Variants in ROR2 observed in about 807,000 individuals in gnomAD.
The protein encoded by ROR2 is tyrosine-protein kinase transmembrane receptor ROR2.
Under a neutral mutation model 74.9 loss-of-function variants are expected in ROR2, and 33 were observed. That is an observed-to-expected ratio of 0.44 (90% CI 0.33 to 0.59). ROR2 has a LOEUF of 0.59. ROR2 is among the 20% of genes least tolerant of loss of function. ROR2 has a pLI of 0.02. For synonymous variants in ROR2, 586 were observed against 558.7 expected (o/e 1.05, Z -0.69); for missense variants, 1,216 against 1,313.8 (o/e 0.93, Z 1.15).
intron 2 of ROR2, among the ~76,000 whole-genome samples, chr9:91,763,536 A>G (rs529318133): frequency 1.2e-4 from 18 of 152,350 alleles, no homozygotes; most frequent in Admixed American, 6.5e-4. Flanking sequence ...CTACAGTTTT[A>G]GTTCGCATCT....
At chr9:91,931,818 G>A (rs1831556257) in intron 1 of ROR2, among the ~76,000 whole-genome samples, 1 of 152,136 alleles carries the variant, frequency 6.6e-6, no homozygotes, top group Non-Finnish European at 1.5e-5. Flanking sequence ...CATAAAAGCT[G>A]TAGCTAAAGC....
Position 91,901,191 on chromosome 9 carries a change from GT to G in ROR2, c.97+48675del, listed in dbSNP as rs375918702. Reference sequence around the variant, plus strand: ...ACTATACTATAAATAGGTATACTATGTTACATGGTATGTATAACACATAAAT... The same window carrying G: ...ACTATACTATAAATAGGTATACTATGTACATGGTATGTATAACACATAAAT... On this transcript the variant is annotated intron_variant, in intron 1 of 8. Coordinates refer to ENST00000375708, the MANE Select transcript of ROR2 (RefSeq NM_004560.4). Among the ~76,000 whole-genome samples the G allele has an allele frequency of 3.5e-4, 53 of 152,300 alleles. No individual in the cohort carries two copies. In the East Asian group the frequency reaches 0.01, roughly 29 times the overall value.
In ROR2 at chr9:91,724,901, C is replaced by A. The variant is rs1229265478; in HGVS notation, c.1593G>T (p.Leu531=). 2.5e-6 allele frequency: 4 copies of A among 1,607,164 alleles called. No individual in the cohort carries two copies. The Admixed American group carries it at 6.7e-5, about 27-fold the overall frequency. The change falls in exon 9 of 9, where the codon CTG becomes CTT. Residue 531 remains leucine (L), a synonymous_variant. Transcript: ENST00000375708. ...GCAGGCAGACGACGTTGGGGTGTTG[C>A]AGCCGTGCTCGCAGCATAGCCTCAT... ...FRHEAMLRAR[L]QHPNVVCLLG...
At chr9:91,769,779 T>C (rs1302456215) in intron 2 of ROR2, among the ~76,000 whole-genome samples, 6 of 152,178 alleles carry the variant, frequency 3.9e-5, no homozygotes, top group African/African-American at 1.2e-4. Context: ...AGTACCTTCA[T>C]GATCTGAGGT....
At chr9:91,921,931 A>G (rs929411214) in intron 1 of ROR2, among the ~76,000 whole-genome samples, 1 of 145,604 alleles carries the variant, frequency 6.9e-6, no homozygotes, top group Non-Finnish European at 1.5e-5. Context: ...GATTGGGCAA[A>G]GGATCTGAAT....
At chr9:91,780,039 G>C (rs1049270636) in intron 1 of ROR2, among the ~76,000 whole-genome samples, 99 of 152,196 alleles carry the variant, frequency 6.5e-4, no homozygotes, top group African/African-American at 2.3e-3. Context: ...CCCGGTTGCT[G>C]TTAAGAGAGT....
chr9:91,942,214 A>G (rs1440432139), intron 1 of ROR2, among the ~76,000 whole-genome samples: 3 of 152,156 alleles, frequency 2.0e-5, no homozygotes, highest in Non-Finnish European at 2.9e-5. Context: ...TTTGCTCATA[A>G]TCAGACTCTC....
intron 1 of ROR2, among the ~76,000 whole-genome samples, chr9:91,949,513 G>A (rs1352516594): frequency 2.0e-5 from 3 of 151,772 alleles, no homozygotes; most frequent in Admixed American, 1.3e-4. Context: ...GGACCCTCGG[G>A]GCACATCTGC....
At chr9:91,889,325 G>A (rs1381055218) in intron 1 of ROR2, among the ~76,000 whole-genome samples, 1 of 152,206 alleles carries the variant, frequency 6.6e-6, no homozygotes, top group Admixed American at 6.5e-5. Flanking sequence ...TGGGCCACTG[G>A]GCAGATCACA....
At chr9:91,730,487 G>T (rs889095428) in intron 7 of ROR2, among the ~76,000 whole-genome samples, 6 of 152,054 alleles carry the variant, frequency 3.9e-5, no homozygotes, top group African/African-American at 1.2e-4. Flanking sequence ...TTGAGACAGG[G>T]TCTCACTCTG....
chr9:91,813,125 A>T (rs369814318), intron 1 of ROR2, among the ~76,000 whole-genome samples: 22 of 152,210 alleles, frequency 1.4e-4, no homozygotes, highest in Non-Finnish European at 3.1e-4. Flanking sequence ...TTTAGAAAAA[A>T]AAAATAAAAA....
At chr9:91,862,406 C>A (rs1829497169) in intron 1 of ROR2, among the ~76,000 whole-genome samples, 1 of 152,060 alleles carries the variant, frequency 6.6e-6, no homozygotes, top group South Asian at 2.1e-4. Flanking sequence ...ACCTGCAATC[C>A]TAGCACTTTG....
At chr9:91,882,193 T>C (rs1361211320) in intron 1 of ROR2, among the ~76,000 whole-genome samples, 7 of 151,894 alleles carry the variant, frequency 4.6e-5, no homozygotes, top group African/African-American at 1.5e-4. Context: ...GGGTGGATCT[T>C]GAGGTCAGGA....
In ROR2 at chr9:91,753,800, C is replaced by A. The variant is rs143534718; in HGVS notation, c.494+2271G>T. On this transcript the variant is annotated intron_variant, in intron 4 of 8. Transcript: ENST00000375708. Reference sequence around the variant, plus strand: ...TAACTAAACATGTCAAGTATAGCATCATTTATGTAAAAAAGTATATAAAAC... The same window carrying A: ...TAACTAAACATGTCAAGTATAGCATAATTTATGTAAAAAAGTATATAAAAC... Among the ~76,000 whole-genome samples the A allele has an allele frequency of 8.7e-3, 1,330 of 152,224 alleles. 18 individuals are homozygous for A. Among genetic ancestry groups the A allele is most frequent in the African/African-American group, 0.03 (1,248 of 41,532 alleles).
rs531960386 is a variant in ROR2 at position 91,898,535 on chromosome 9, A to T, written c.97+51332T>A. Among the ~76,000 whole-genome samples, 3 of 152,300 alleles carry T rather than the reference A, an allele frequency of 2.0e-5. No homozygotes were observed. The South Asian group carries it at 6.2e-4, about 32-fold the overall frequency. On this transcript the variant is annotated intron_variant, in intron 1 of 8. Coordinates refer to ENST00000375708, the MANE Select transcript of ROR2 (RefSeq NM_004560.4). ...TTCATGACAACTTTATGGAGGTGTG[A>T]TTTATACATGACAAAGTGTTCCCAT...
At chr9:91,832,367 CAAAAA>C (rs10677451) in intron 1 of ROR2, among the ~76,000 whole-genome samples, 5 of 38,330 alleles carry the variant, frequency 1.3e-4, no homozygotes, top group Non-Finnish European at 1.9e-4. Flanking sequence ...GTCACAATGG[CAAAAA>C]AAAAAAAAAA....
chr9:91,724,905 C>T lies in ROR2; in HGVS notation c.1589G>A (p.Arg530Gln), dbSNP rs35852786. 2.9e-3 allele frequency: 4,619 copies of T among 1,607,828 alleles called. 16 individuals are homozygous for T. The highest frequency in any genetic ancestry group is 3.4e-3 in the South Asian group (310 of 90,784). Reference protein sequence around the residue: ...EFRHEAMLRARLQHPNVVCLL... With the variant: ...EFRHEAMLRAQLQHPNVVCLL... ...GCAGACGACGTTGGGGTGTTGCAGCCGTGCTCGCAGCATAGCCTCATGCCG... is the reference window on the plus strand; with the variant it reads ...GCAGACGACGTTGGGGTGTTGCAGCTGTGCTCGCAGCATAGCCTCATGCCG... The change falls in exon 9 of 9, where the codon CGG becomes CAG. Residue 530 changes from arginine to glutamine, a missense_variant. Arg to Gln is a conservative substitution (Grantham distance 43). Coordinates refer to ENST00000375708, the MANE Select transcript of ROR2 (RefSeq NM_004560.4).
chr9:91,792,589 T>A (rs942285534), intron 1 of ROR2, among the ~76,000 whole-genome samples: 4 of 152,180 alleles, frequency 2.6e-5, no homozygotes, highest in Admixed American at 6.5e-5. Context: ...ATTACAGGCA[T>A]GAGCCATGCG....
chr9:91,816,899 A>C (rs1181303549), intron 1 of ROR2, among the ~76,000 whole-genome samples: 1 of 152,104 alleles, frequency 6.6e-6, no homozygotes, highest in Non-Finnish European at 1.5e-5. Context: ...TAACCATCCC[A>C]CAGCAAAGCT....
Sources: allele counts gnomAD v4.1 joint callset (sites outside exome capture counted in the v4.1 genomes callset), GRCh38; gene constraint gnomAD v4.1.1; transcripts MANE v1.5; gene names NCBI Gene and HGNC (gene_info 2026-07-23, HGNC 2026-07-21).